The following NPAS3 variants were observed in gnomAD, a reference collection of about 807,000 sequenced individuals.
NPAS3 encodes the protein neuronal PAS domain-containing protein 3.
Under a neutral mutation model 73.1 loss-of-function variants are expected in NPAS3, and 14 were observed. The ratio of observed to expected loss-of-function variants is 0.19; its 90% confidence interval spans 0.13 to 0.30. The LOEUF is 0.30. Ranked by LOEUF, NPAS3 falls within the 10% of genes least tolerant of loss-of-function variation. The probability of loss-of-function intolerance (pLI) is 1.00; values close to 1 mark genes in which losing one functional copy is unlikely to be tolerated. For synonymous variants in NPAS3, 620 were observed against 541.5 expected, an observed-to-expected ratio of 1.14 and a Z score of -2.01; for missense variants, 1,096 against 1,250.0, an observed-to-expected ratio of 0.88 and a Z score of 1.86.
intron 2 of NPAS3, among the ~76,000 whole-genome samples, chr14:33,185,887 G>A (rs552733631): frequency 3.9e-5 from 6 of 152,172 alleles, no homozygotes; most frequent in South Asian, 4.1e-4. Flanking sequence ...AATCCCCAAG[G>A]TCACGGACTC....
intron 2 of NPAS3, among the ~76,000 whole-genome samples, chr14:33,077,238 G>C (rs746520722): frequency 1.4e-4 from 22 of 151,916 alleles, no homozygotes; most frequent in Admixed American, 5.2e-4. Context: ...ATTCAAAATG[G>C]GGTGGTCAGA....
intron 3 of NPAS3, among the ~76,000 whole-genome samples, chr14:33,326,772 T>C (rs2043728113): frequency 6.6e-6 from 1 of 152,194 alleles, no homozygotes; most frequent in Non-Finnish European, 1.5e-5. Context: ...AGTTTGTTTC[T>C]GATACAATGG....
At chr14:33,242,487 G>T (rs2048243483) in intron 3 of NPAS3, among the ~76,000 whole-genome samples, 1 of 152,038 alleles carries the variant, frequency 6.6e-6, no homozygotes, top group Admixed American at 6.6e-5. Flanking sequence ...GTCTGAGTCT[G>T]CAGAGGTTGC....
chr14:33,114,078 C>T (rs115857354), intron 2 of NPAS3, among the ~76,000 whole-genome samples: 5,409 of 152,156 alleles, frequency 0.036, 154 homozygotes, highest in African/African-American at 0.079. Flanking sequence ...CTCTATTGGC[C>T]GGGCTGGAGT....
At chr14:33,744,280 C>T (rs1232080113) in intron 7 of NPAS3, among the ~76,000 whole-genome samples, 1 of 152,092 alleles carries the variant, frequency 6.6e-6, no homozygotes, top group Admixed American at 6.6e-5. Context: ...ATTAATTAGC[C>T]TAATTTCAAT....
intron 3 of NPAS3, among the ~76,000 whole-genome samples, chr14:33,232,670 G>A (rs1035627423): frequency 2.6e-5 from 4 of 151,998 alleles, no homozygotes; most frequent in Admixed American, 6.6e-5. Context: ...CTTAGCTTTC[G>A]TCTACTTCTA....
chr14:33,203,657 A>C (rs1173910479), intron 2 of NPAS3, among the ~76,000 whole-genome samples: 1 of 152,046 alleles, frequency 6.6e-6, no homozygotes, highest in African/African-American at 2.4e-5. Flanking sequence ...TGAACTCATC[A>C]TTTTTTATGG....
At chr14:33,173,097 G>A (rs1245446044) in intron 2 of NPAS3, among the ~76,000 whole-genome samples, 1 of 152,114 alleles carries the variant, frequency 6.6e-6, no homozygotes, top group Non-Finnish European at 1.5e-5. Context: ...TGCCTTATAT[G>A]TTGCTGTAAT....
intron 4 of NPAS3, among the ~76,000 whole-genome samples, chr14:33,531,382 G>T (rs1368043590): frequency 2.0e-5 from 3 of 152,036 alleles, no homozygotes; most frequent in African/African-American, 7.2e-5. Flanking sequence ...ACCCCTGATG[G>T]CCACTGATTT....
chr14:33,652,007 A>G (rs1224900715), intron 5 of NPAS3, among the ~76,000 whole-genome samples: 4 of 152,116 alleles, frequency 2.6e-5, no homozygotes, highest in African/African-American at 9.7e-5. Context: ...CTTTTATTTC[A>G]TTTTGATTTG....
At chr14:33,314,681 A>G (rs1414381116) in intron 3 of NPAS3, among the ~76,000 whole-genome samples, 1 of 152,034 alleles carries the variant, frequency 6.6e-6, no homozygotes, top group Non-Finnish European at 1.5e-5. Context: ...AACATATTGA[A>G]TGGATTCCAG....
chr14:33,405,108 T>C (rs771567420), intron 4 of NPAS3, among the ~76,000 whole-genome samples: 1 of 152,096 alleles, frequency 6.6e-6, no homozygotes, highest in African/African-American at 2.4e-5. Flanking sequence ...GTGCACATTG[T>C]TGGCTGCCTG....
intron 4 of NPAS3, among the ~76,000 whole-genome samples, chr14:33,474,310 A>C (rs2050919770): frequency 6.6e-6 from 1 of 152,214 alleles, no homozygotes; most frequent in Non-Finnish European, 1.5e-5. Flanking sequence ...GTGAAATGGA[A>C]TATTACATGA....
intron 6 of NPAS3, among the ~76,000 whole-genome samples, chr14:33,686,731 C>G (rs773207202): frequency 5.9e-5 from 9 of 152,088 alleles, no homozygotes; most frequent in Non-Finnish European, 1.0e-4. Flanking sequence ...CACCAGAGCC[C>G]CCATACTTAA....
intron 2 of NPAS3, among the ~76,000 whole-genome samples, chr14:33,135,479 A>G (rs1462529093): frequency 2.0e-5 from 3 of 152,224 alleles, no homozygotes; most frequent in Non-Finnish European, 4.4e-5. Flanking sequence ...GCATTTTACC[A>G]TAAAATAGTT....
At chr14:32,940,813 C>T (rs563858115) in intron 1 of NPAS3, among the ~76,000 whole-genome samples, 8 of 152,166 alleles carry the variant, frequency 5.3e-5, no homozygotes, top group Non-Finnish European at 8.8e-5. Flanking sequence ...TTCTTTCATA[C>T]GATAGGGAAG....
intron 6 of NPAS3, among the ~76,000 whole-genome samples, chr14:33,716,168 A>T (rs1050896720): frequency 6.6e-6 from 1 of 152,210 alleles, no homozygotes; most frequent in African/African-American, 2.4e-5. Context: ...GGTTAGAGAC[A>T]GTATCCATAC....
intron 2 of NPAS3, among the ~76,000 whole-genome samples, chr14:33,123,508 G>A (rs1345837264): frequency 6.6e-6 from 1 of 152,078 alleles, no homozygotes; most frequent in East Asian, 1.9e-4. Flanking sequence ...AGTGGGTGGG[G>A]GCAGGGAGAA....
At chr14:33,777,400 G>C (rs970168733) in intron 8 of NPAS3, among the ~76,000 whole-genome samples, 1 of 152,016 alleles carries the variant, frequency 6.6e-6, no homozygotes, top group African/African-American at 2.4e-5. Flanking sequence ...CACTCGATGG[G>C]TAATATATTT....
Sources: allele counts gnomAD v4.1 joint callset (sites outside exome capture counted in the v4.1 genomes callset), GRCh38; gene constraint gnomAD v4.1.1; transcripts MANE v1.5; gene names NCBI Gene and HGNC (gene_info 2026-07-23, HGNC 2026-07-21).